The following VAT1L variants were observed in gnomAD, a reference collection of about 807,000 sequenced individuals.
VAT1L encodes putative NADPH-dependent quinone oxidoreductase VAT1L.
In VAT1L, 34 loss-of-function variants were observed where a neutral mutation model predicts 44.1. The observed-to-expected ratio is 0.77, with a 90% CI of 0.59 to 1.03. The LOEUF (loss-of-function observed/expected upper bound fraction) is 1.03, where lower values mean the gene tolerates loss of function less well. Ranked by LOEUF, VAT1L falls within the 50% of genes least tolerant of loss-of-function variation. The pLI, the probability that VAT1L is intolerant of heterozygous loss-of-function variation, is 0.00. For synonymous variants in VAT1L, 253 were observed against 202.2 expected (o/e 1.25, Z -2.13); for missense variants, 615 against 538.8 (o/e 1.14, Z -1.40).
chr16:77,915,976 C>G (rs1470836757), intron 7 of VAT1L, among the ~76,000 whole-genome samples: 4 of 152,182 alleles, frequency 2.6e-5, no homozygotes, highest in Non-Finnish European at 5.9e-5. Flanking sequence ...CAACACCCAG[C>G]TCGGATGAGG....
intron 7 of VAT1L, among the ~76,000 whole-genome samples, chr16:77,963,161 T>C (rs1050754174): frequency 2.6e-5 from 4 of 152,126 alleles, no homozygotes; most frequent in African/African-American, 9.7e-5. Context: ...AGCAGAATAA[T>C]ACCACGCAAA....
intron 7 of VAT1L, among the ~76,000 whole-genome samples, chr16:77,939,080 C>G (rs2017842110): frequency 6.6e-6 from 1 of 152,160 alleles, no homozygotes; most frequent in Admixed American, 6.5e-5. Context: ...TCTCAGTGCT[C>G]TGTTGCCCTG....
chr16:77,913,861 G>A (rs1449315236), intron 7 of VAT1L, among the ~76,000 whole-genome samples: 1 of 152,196 alleles, frequency 6.6e-6, no homozygotes. Flanking sequence ...TAAGTTAGGG[G>A]AGGTGAAAGA....
At chr16:77,802,118 G>A (rs937920569) in intron 1 of VAT1L, among the ~76,000 whole-genome samples, 1 of 152,160 alleles carries the variant, frequency 6.6e-6, no homozygotes, top group Non-Finnish European at 1.5e-5. Context: ...CCACCGCTTT[G>A]AGCCTCAGCA....
intron 3 of VAT1L, among the ~76,000 whole-genome samples, chr16:77,848,610 G>A (rs568376551): frequency 3.7e-4 from 57 of 152,158 alleles, no homozygotes; most frequent in African/African-American, 1.3e-3. Context: ...ATGCACAGGG[G>A]CAAAAACGAC....
At chr16:77,965,914 T>C (rs1388180279) in intron 7 of VAT1L, among the ~76,000 whole-genome samples, 1 of 152,196 alleles carries the variant, frequency 6.6e-6, no homozygotes. Flanking sequence ...CCTGCCCATA[T>C]AGAGCTGCAA....
At chr16:77,878,287 G>A (rs186166604) in intron 5 of VAT1L, among the ~76,000 whole-genome samples, 18 of 152,224 alleles carry the variant, frequency 1.2e-4, no homozygotes, top group Admixed American at 1.2e-3. Flanking sequence ...CTTATTAACT[G>A]GCTACTAGTT....
At chr16:77,906,680 G>A (rs893007693) in intron 7 of VAT1L, among the ~76,000 whole-genome samples, 4 of 152,112 alleles carry the variant, frequency 2.6e-5, no homozygotes, top group Non-Finnish European at 4.4e-5. Flanking sequence ...AAAAACTAAG[G>A]GGGGAACGGT....
At position 77,966,492 on chromosome 16, in the gene VAT1L, T is replaced by A. The variant is rs146637331; in HGVS notation, c.1078-5358T>A. Among the ~76,000 whole-genome samples, 8 of 152,272 alleles carry A rather than the reference T, an allele frequency of 5.3e-5. No homozygotes were observed. The East Asian group carries it at 1.4e-3, about 26-fold the overall frequency. On this transcript the variant is annotated intron_variant, in intron 7 of 8. Coordinates refer to ENST00000302536, the MANE Select transcript of VAT1L (RefSeq NM_020927.3). ...TGCAGAGAGCCCAGTGAACTTCAGA[T>A]ACATCGTAAGTGGTGGACGTGAGTG...
chr16:77,807,095 C>G (rs1488124258), intron 1 of VAT1L, among the ~76,000 whole-genome samples: 1 of 152,210 alleles, frequency 6.6e-6, no homozygotes, highest in South Asian at 2.1e-4. Context: ...CCAGATCTTT[C>G]CTCCTCAGGA....
intron 7 of VAT1L, among the ~76,000 whole-genome samples, chr16:77,936,373 C>A (rs918236297): frequency 1.3e-5 from 2 of 152,086 alleles, no homozygotes; most frequent in Admixed American, 6.6e-5. Context: ...GTAAGGGGAG[C>A]CTCAGTCTCC....
rs956500279 is a variant in VAT1L at position 77,937,012 on chromosome 16, G to C, written c.1078-34838G>C. ...CAATTATCCTGCCTCAGCCTCCCGAGTAGCTGGGATTACAGGTGCATGCCA... is the reference window on the plus strand; with the variant it reads ...CAATTATCCTGCCTCAGCCTCCCGACTAGCTGGGATTACAGGTGCATGCCA... On this transcript the variant is annotated intron_variant, in intron 7 of 8. Transcript: ENST00000302536. Among the ~76,000 whole-genome samples, 89 of 152,182 alleles carry C rather than the reference G, an allele frequency of 5.8e-4. 1 individual carries two copies. The highest frequency in any genetic ancestry group is 2.1e-3 in the African/African-American group (89 of 41,442).
At chr16:77,975,098 T>C (rs1176107268) in intron 8 of VAT1L, among the ~76,000 whole-genome samples, 1 of 148,232 alleles carries the variant, frequency 6.7e-6, no homozygotes, top group Non-Finnish European at 1.5e-5. Context: ...CAACTCAAGC[T>C]CCAGGCTCCA....
chr16:77,863,765 G>T (rs956121289), intron 4 of VAT1L, among the ~76,000 whole-genome samples: 3 of 152,102 alleles, frequency 2.0e-5, no homozygotes, highest in Admixed American at 1.3e-4. Flanking sequence ...AGGGACACCT[G>T]GGGGGAAAGG....
At chr16:77,857,798 A>C (rs1424946087) in intron 3 of VAT1L, among the ~76,000 whole-genome samples, 2 of 150,938 alleles carry the variant, frequency 1.3e-5, no homozygotes, top group Non-Finnish European at 2.9e-5. Context: ...TAATAATATA[A>C]GTACATAAGT....
intron 7 of VAT1L, among the ~76,000 whole-genome samples, chr16:77,963,290 A>C (rs1035008794): frequency 2.0e-5 from 3 of 152,104 alleles, no homozygotes; most frequent in African/African-American, 7.2e-5. Context: ...GGGTTTTTCA[A>C]AGAGGGAGGC....
At chr16:77,889,984 G>A (rs1340148237) in intron 7 of VAT1L, among the ~76,000 whole-genome samples, 1 of 152,168 alleles carries the variant, frequency 6.6e-6, no homozygotes, top group African/African-American at 2.4e-5. Context: ...CTACTTGGGA[G>A]GCTGAGGCAG....
At chr16:77,962,557 T>A (rs939854925) in intron 7 of VAT1L, among the ~76,000 whole-genome samples, 2 of 146,126 alleles carry the variant, frequency 1.4e-5, no homozygotes, top group African/African-American at 5.0e-5. Flanking sequence ...GCCTCGAGTA[T>A]ATCATAGGCG....
In VAT1L at chr16:77,885,656, G is replaced by C. The variant is rs142949706; in HGVS notation, c.1077+854G>C. ...GGAATGTTTTTTTTTTCATTGTTTT[G>C]CATTTTGCATGAGGGAAGTGCCTTA... On this transcript the variant is annotated intron_variant, in intron 7 of 8. Coordinates refer to ENST00000302536, the MANE Select transcript of VAT1L (RefSeq NM_020927.3). Among the ~76,000 whole-genome samples the C allele has an allele frequency of 1.4e-4, 21 of 151,264 alleles. No homozygotes were observed. The East Asian group carries it at 4.1e-3, about 29-fold the overall frequency.
Sources: allele counts gnomAD v4.1 joint callset (sites outside exome capture counted in the v4.1 genomes callset), GRCh38; gene constraint gnomAD v4.1.1; transcripts MANE v1.5; gene names NCBI Gene and HGNC (gene_info 2026-07-23, HGNC 2026-07-21).